The following OPCML variants were observed in gnomAD, a reference collection of about 807,000 sequenced individuals.
OPCML encodes opioid-binding protein/cell adhesion molecule.
In OPCML, 13 loss-of-function variants were observed where a neutral mutation model predicts 37.8. The observed-to-expected ratio is 0.34, with a 90% CI of 0.22 to 0.55. OPCML has a LOEUF of 0.55. Ranked by LOEUF, OPCML falls within the 20% of genes least tolerant of loss-of-function variation. OPCML has a pLI of 0.91. For synonymous variants in OPCML, 176 were observed against 168.8 expected (o/e 1.04, Z -0.33); for missense variants, 341 against 435.6 (o/e 0.78, Z 1.93).
intron 1 of OPCML, among the ~76,000 whole-genome samples, chr11:132,970,645 G>T (rs1946321074): frequency 6.6e-6 from 1 of 151,982 alleles, no homozygotes; most frequent in Non-Finnish European, 1.5e-5. Flanking sequence ...TTCCATAAAT[G>T]TCACATAAAC....
chr11:132,694,387 T>G (rs557467532), intron 2 of OPCML, among the ~76,000 whole-genome samples: 10 of 151,858 alleles, frequency 6.6e-5, no homozygotes, highest in Admixed American at 3.9e-4. Context: ...TTAGTAGAGG[T>G]GAGGTTTCAC....
Position 133,488,418 on chromosome 11 carries a change from A to G in OPCML, c.61+43846T>C, listed in dbSNP as rs928344817. ...AGATAAACAAATTTCATAAAGTTTC[A>G]GGATACAAAATTAACAGAATCAGTA... On this transcript the variant is annotated intron_variant, in intron 1 of 7. Coordinates refer to ENST00000524381, the MANE Select transcript of OPCML (RefSeq NM_001012393.5). Among the ~76,000 whole-genome samples, 3 of 152,302 alleles carry G rather than the reference A, an allele frequency of 2.0e-5. No homozygotes were observed. The East Asian group carries it at 5.8e-4, about 29-fold the overall frequency.
At chr11:132,694,421 T>C (rs989415578) in intron 2 of OPCML, among the ~76,000 whole-genome samples, 2 of 151,992 alleles carry the variant, frequency 1.3e-5, no homozygotes, top group African/African-American at 4.8e-5. Context: ...ATGCTCTTGA[T>C]TTCCTGACCT....
intron 1 of OPCML, among the ~76,000 whole-genome samples, chr11:133,272,287 T>C (rs998257284): frequency 6.8e-6 from 1 of 147,134 alleles, no homozygotes; most frequent in Non-Finnish European, 1.5e-5. Context: ...GAAAGATAAA[T>C]GCAATTTTCT....
chr11:133,244,424 T>C (rs1266659404), intron 1 of OPCML, among the ~76,000 whole-genome samples: 2 of 152,028 alleles, frequency 1.3e-5, no homozygotes, highest in African/African-American at 4.8e-5. Flanking sequence ...TCAAGACCAA[T>C]GAGTTAACCT....
intron 4 of OPCML, among the ~76,000 whole-genome samples, chr11:132,512,031 C>T (rs970628483): frequency 1.3e-5 from 2 of 151,946 alleles, no homozygotes; most frequent in African/African-American, 4.8e-5. Context: ...AAAAGATAAA[C>T]AGCCCAATTA....
At chr11:132,771,041 G>A (rs1391631615) in intron 2 of OPCML, among the ~76,000 whole-genome samples, 1 of 152,138 alleles carries the variant, frequency 6.6e-6, no homozygotes, top group East Asian at 1.9e-4. Flanking sequence ...TCGCAGGGTA[G>A]TTCAGTATCA....
intron 1 of OPCML, among the ~76,000 whole-genome samples, chr11:133,146,820 C>T (rs1286850890): frequency 6.6e-6 from 1 of 152,106 alleles, no homozygotes; most frequent in Non-Finnish European, 1.5e-5. Flanking sequence ...CAGCACAGGC[C>T]CAGTAACATG....
At chr11:133,160,040 A>T (rs777461540) in intron 1 of OPCML, among the ~76,000 whole-genome samples, 3 of 152,208 alleles carry the variant, frequency 2.0e-5, no homozygotes, top group Non-Finnish European at 2.9e-5. Flanking sequence ...TTAATCACAT[A>T]ATGTCTTTTA....
intron 1 of OPCML, among the ~76,000 whole-genome samples, chr11:133,257,122 C>T (rs779331110): frequency 6.6e-6 from 1 of 152,244 alleles, no homozygotes; most frequent in Non-Finnish European, 1.5e-5. Context: ...CCTCGGTCCA[C>T]TCCAGAACAC....
intron 1 of OPCML, among the ~76,000 whole-genome samples, chr11:132,963,911 T>C (rs1157837697): frequency 6.6e-6 from 1 of 152,200 alleles, no homozygotes; most frequent in Non-Finnish European, 1.5e-5. Context: ...TGAACCCTTC[T>C]GTAGTTACAC....
intron 4 of OPCML, among the ~76,000 whole-genome samples, chr11:132,461,216 G>C (rs576678100): frequency 6.6e-6 from 1 of 152,260 alleles, no homozygotes; most frequent in Non-Finnish European, 1.5e-5. Flanking sequence ...TGCCATGACT[G>C]GGGACTGAGG....
chr11:132,431,484 C>A (rs182785188), intron 7 of OPCML, among the ~76,000 whole-genome samples: 12 of 152,156 alleles, frequency 7.9e-5, no homozygotes, highest in Admixed American at 7.9e-4. Context: ...TGTGAGTTGG[C>A]GCTCTGCCTA....
At chr11:133,424,613 C>T (rs1286874183) in intron 1 of OPCML, among the ~76,000 whole-genome samples, 1 of 152,068 alleles carries the variant, frequency 6.6e-6, no homozygotes, top group East Asian at 1.9e-4. Context: ...TTCTGTTTGC[C>T]CATTTAAAGT....
In OPCML at chr11:133,426,597, C is replaced by T. The variant is rs187055637; in HGVS notation, c.61+105667G>A. ...CTCCTCCTCTGCCCCAGGCCCCCGACGCCCACACCAACCTGAAAACCATGC... is the reference window on the plus strand; with the variant it reads ...CTCCTCCTCTGCCCCAGGCCCCCGATGCCCACACCAACCTGAAAACCATGC... On this transcript the variant is annotated intron_variant, in intron 1 of 7. Transcript: ENST00000524381. Among the ~76,000 whole-genome samples, 96 of 152,260 alleles carry T rather than the reference C, an allele frequency of 6.3e-4. 3 individuals carry two copies. Among genetic ancestry groups the T allele is most frequent in the African/African-American group, 2.2e-3 (91 of 41,538 alleles).
chr11:133,127,558 G>A (rs934419911), intron 1 of OPCML, among the ~76,000 whole-genome samples: 4 of 152,000 alleles, frequency 2.6e-5, no homozygotes, highest in East Asian at 1.9e-4. Context: ...ACTTGAGCCC[G>A]GGAGGTGGAG....
chr11:132,585,861 G>A (rs1349250499), intron 3 of OPCML, among the ~76,000 whole-genome samples: 3 of 152,170 alleles, frequency 2.0e-5, no homozygotes, highest in East Asian at 1.9e-4. Flanking sequence ...AGCTGGCAAA[G>A]ATTTCAATAG....
intron 1 of OPCML, among the ~76,000 whole-genome samples, chr11:133,366,545 C>A (rs905715976): frequency 2.6e-5 from 4 of 152,164 alleles, no homozygotes; most frequent in African/African-American, 7.2e-5. Context: ...CAGCAGTTTT[C>A]TTCCTCTTCC....
At chr11:133,421,480 G>A (rs1037928680) in intron 1 of OPCML, 2 of 985,260 alleles carry the variant, frequency 2.0e-6, no homozygotes, top group African/African-American at 3.5e-5. Context: ...TCATTTCTAT[G>A]GCTATCTACA....
Sources: gnomAD v4.1 joint callset for allele counts (sites outside exome capture counted in the v4.1 genomes callset) on GRCh38, gnomAD v4.1.1 for gene constraint, MANE v1.5 for transcripts, NCBI Gene and HGNC (gene_info 2026-07-23, HGNC 2026-07-21) for gene names.